CNTNAP2: variants seen among roughly 807,000 people sequenced by gnomAD.
CNTNAP2 encodes the protein contactin associated protein 2.
A neutral mutation model predicts 155.2 loss-of-function variants in CNTNAP2; 98 were observed. The observed-to-expected ratio is 0.63, with a 90% CI of 0.54 to 0.75. The LOEUF is 0.75. Ranked by LOEUF, CNTNAP2 falls within the 30% of genes least tolerant of loss-of-function variation. The pLI, the probability that CNTNAP2 is intolerant of heterozygous loss-of-function variation, is 0.00. For missense variants in CNTNAP2, 1,727 were observed against 1,688.1 expected, an observed-to-expected ratio of 1.02 and a Z score of -0.40; for synonymous variants, 651 against 631.2, an observed-to-expected ratio of 1.03 and a Z score of -0.47.
intron 11 of CNTNAP2, among the ~76,000 whole-genome samples, chr7:147,512,087 A>G (rs1179163286): frequency 1.3e-5 from 2 of 152,194 alleles, no homozygotes; most frequent in Non-Finnish European, 2.9e-5. Flanking sequence ...AGAAGAAATA[A>G]TAGGAGTTGG....
chr7:148,277,592 C>CG (rs1554410981), intron 21 of CNTNAP2, among the ~76,000 whole-genome samples: 1 of 147,538 alleles, frequency 6.8e-6, no homozygotes, highest in East Asian at 2.0e-4. Flanking sequence ...CAGGACCGCC[C>CG]CCCACCACCA....
chr7:146,574,651 A>G (rs1798495717), intron 1 of CNTNAP2, among the ~76,000 whole-genome samples: 1 of 152,194 alleles, frequency 6.6e-6, no homozygotes, highest in Non-Finnish European at 1.5e-5. Flanking sequence ...CTGTGAGCCA[A>G]GATCGCACCA....
At chr7:147,457,833 A>G (rs966642504) in intron 10 of CNTNAP2, among the ~76,000 whole-genome samples, 1 of 71,286 alleles carries the variant, frequency 1.4e-5, no homozygotes, top group African/African-American at 7.2e-5. Context: ...TTTATTTTCA[A>G]TGAATCAACA....
chr7:147,242,092 G>A lies in CNTNAP2; in HGVS notation c.1349-58049G>A, dbSNP rs571647249. ...CTGATTTTTTCATCGCTTTGTAAAT[G>A]TTTTTCTTTGACTTTCTCTCCTCCT... On this transcript the variant is annotated intron_variant, in intron 8 of 23. Transcript: ENST00000361727. Among the ~76,000 whole-genome samples, 5 of 152,180 alleles carry A rather than the reference G, an allele frequency of 3.3e-5. 1 individual carries two copies. Among genetic ancestry groups the A allele is most frequent in the African/African-American group, 9.6e-5 (4 of 41,526 alleles).
At chr7:147,214,507 G>A (rs1803225193) in intron 8 of CNTNAP2, among the ~76,000 whole-genome samples, 1 of 152,076 alleles carries the variant, frequency 6.6e-6, no homozygotes, top group African/African-American at 2.4e-5. Flanking sequence ...ACAATGGCCT[G>A]TAAGTACTTA....
intron 21 of CNTNAP2, among the ~76,000 whole-genome samples, chr7:148,338,561 A>AGG (rs146944344): frequency 1.8e-4 from 27 of 150,350 alleles, no homozygotes; most frequent in Middle Eastern, 3.4e-3. Flanking sequence ...TGGGGGGGTG[A>AGG]GGGGGGGGTG....
At chr7:146,688,485 G>A (rs1800641339) in intron 1 of CNTNAP2, among the ~76,000 whole-genome samples, 1 of 152,056 alleles carries the variant, frequency 6.6e-6, no homozygotes, top group Admixed American at 6.6e-5. Flanking sequence ...TGGGTAGGTA[G>A]TAGAAAATTA....
chr7:147,868,199 T>C (rs1799266132), intron 13 of CNTNAP2, among the ~76,000 whole-genome samples: 1 of 152,134 alleles, frequency 6.6e-6, no homozygotes, highest in African/African-American at 2.4e-5. Flanking sequence ...CGTCTAATAG[T>C]CAGGTCCCTC....
intron 3 of CNTNAP2, among the ~76,000 whole-genome samples, chr7:146,923,706 G>T (rs75732791): frequency 2.0e-4 from 31 of 152,060 alleles, no homozygotes; most frequent in African/African-American, 7.5e-4. Flanking sequence ...TGTTATTATC[G>T]CATTCGTCAT....
chr7:146,220,961 G>T (rs1399551687), intron 1 of CNTNAP2, among the ~76,000 whole-genome samples: 1 of 152,154 alleles, frequency 6.6e-6, no homozygotes, highest in African/African-American at 2.4e-5. Context: ...TATGCCCAAA[G>T]TTTGATTATA....
rs543804774 is a variant in CNTNAP2 at position 146,304,457 on chromosome 7, C to T, written c.97+187484C>T. On this transcript the variant is annotated intron_variant, in intron 1 of 23. Transcript: ENST00000361727. ...GCTTCCTTCAGGAGCTCTTGTAAGGCAGGCCTGGTGGTGACAAAATCTCTC... is the reference window on the plus strand; with the variant it reads ...GCTTCCTTCAGGAGCTCTTGTAAGGTAGGCCTGGTGGTGACAAAATCTCTC... 2.1e-3 allele frequency among the ~76,000 whole-genome samples: 325 copies of T among 152,104 alleles called. 4 individuals are homozygous for T. Among genetic ancestry groups the T allele is most frequent in the Non-Finnish European group, 1.5e-3 (103 of 67,984 alleles).
In CNTNAP2 at chr7:146,714,335, A is replaced by G. The variant is rs1801150427; in HGVS notation, c.98-59936A>G. Among the ~76,000 whole-genome samples the G allele has an allele frequency of 2.0e-5, 3 of 152,218 alleles. No individual in the cohort carries two copies. In the South Asian group the frequency reaches 6.2e-4, roughly 31 times the overall value. On this transcript the variant is annotated intron_variant, in intron 1 of 23. Coordinates refer to ENST00000361727, the MANE Select transcript of CNTNAP2 (RefSeq NM_014141.6). ...TGTTACCATGTGCCTGGAACAGCTT[A>G]GACATAACTATTTGCCTTTGAGTAG...
At chr7:147,000,472 A>ATACTGT (rs1798399347) in intron 3 of CNTNAP2, among the ~76,000 whole-genome samples, 1 of 152,062 alleles carries the variant, frequency 6.6e-6, no homozygotes, top group Non-Finnish European at 1.5e-5. Context: ...TGATGTCTGC[A>ATACTGT]TACTGTAGAA....
intron 22 of CNTNAP2, among the ~76,000 whole-genome samples, chr7:148,395,999 G>A (rs1032754384): frequency 6.6e-6 from 1 of 152,040 alleles, no homozygotes; most frequent in South Asian, 2.1e-4. Context: ...TTCTCCCTGG[G>A]CTGTCCACCC....
chr7:146,798,156 C>T (rs961208290), intron 2 of CNTNAP2, among the ~76,000 whole-genome samples: 3 of 151,808 alleles, frequency 2.0e-5, no homozygotes, highest in Non-Finnish European at 4.4e-5. Context: ...CCTGCGGTCC[C>T]AGTTACTCAG....
At chr7:146,407,719 G>T (rs1287698717) in intron 1 of CNTNAP2, among the ~76,000 whole-genome samples, 4 of 151,826 alleles carry the variant, frequency 2.6e-5, no homozygotes, top group Admixed American at 6.6e-5. Context: ...ATATACAGTT[G>T]ACTCTTGAAC....
intron 13 of CNTNAP2, among the ~76,000 whole-genome samples, chr7:147,842,575 C>CTTTTTTTTTT (rs1798765764): frequency 1.3e-5 from 1 of 75,976 alleles, no homozygotes; most frequent in African/African-American, 5.2e-5. Flanking sequence ...TTTTTTTTTA[C>CTTTTTTTTTT]TTTTTACTTT....
At chr7:146,414,517 G>C (rs180677686) in intron 1 of CNTNAP2, among the ~76,000 whole-genome samples, 16 of 152,284 alleles carry the variant, frequency 1.1e-4, no homozygotes, top group Admixed American at 8.5e-4. Flanking sequence ...TGAGTCAGGG[G>C]AGACTATTTC....
At chr7:148,350,552 G>A (rs1798409463) in intron 21 of CNTNAP2, among the ~76,000 whole-genome samples, 1 of 152,182 alleles carries the variant, frequency 6.6e-6, no homozygotes, top group South Asian at 2.1e-4. Context: ...CGATAATACT[G>A]TCTCTGACAC....
Sources: allele counts gnomAD v4.1 joint callset (sites outside exome capture counted in the v4.1 genomes callset), GRCh38; gene constraint gnomAD v4.1.1; transcripts MANE v1.5; gene names NCBI Gene and HGNC (gene_info 2026-07-23, HGNC 2026-07-21).